The following HBD variants were observed in gnomAD, a reference collection of about 807,000 sequenced individuals.
HBD encodes delta globin.
In HBD, 11 loss-of-function variants were observed where a neutral mutation model predicts 9.2. The ratio of observed to expected loss-of-function variants is 1.20; its 90% CI spans 0.76 to 1.99. HBD has a LOEUF of 1.99. HBD is among the 30% of genes most tolerant of loss of function. HBD has a pLI of 0.00. For missense variants in HBD, 189 were observed against 174.3 expected (o/e 1.08, Z -0.47); for synonymous variants, 83 against 69.4 (o/e 1.20, Z -0.98).
At chr11:5,234,293 CCA>C (rs1370478409) in intron 1 of HBD, 47 bp downstream of exon 1, 1 of 1,598,336 alleles carries the variant, frequency 6.3e-7, no homozygotes, top group Admixed American at 1.7e-5. Context: ...CTACACATGC[CCA>C]GTTTCCATTT....
Position 5,234,230 on chromosome 11 carries a change from A to C in HBD, c.93-17T>G, listed in dbSNP as rs1847709989. On this transcript the variant is annotated splice_polypyrimidine_tract_variant and intron_variant, in intron 1 of 2. Coordinates refer to ENST00000650601, the MANE Select transcript of HBD (RefSeq NM_000519.4). Reference sequence around the variant, plus strand: ...ACCAGTAATCTGAGGGTAGGAAAACAGCCCAAGGGACAGAGAGTCAGTGCC... The same window carrying C: ...ACCAGTAATCTGAGGGTAGGAAAACCGCCCAAGGGACAGAGAGTCAGTGCC... 6.2e-7 allele frequency: 1 copy of C among 1,610,202 alleles called. No individual in the cohort carries two copies. The highest frequency in any genetic ancestry group is 1.3e-5 in the African/African-American group (1 of 74,832).
At chr11:5,233,929 A>G (rs1847701658) in intron 2 of HBD, 62 bp downstream of exon 2, 14 of 1,497,796 alleles carry the variant, frequency 9.3e-6, no homozygotes, top group Non-Finnish European at 1.3e-5. Flanking sequence ...CAGGTAGGTA[A>G]AAGAACCAAA....
rs1010664704 is a variant in HBD, at chr11:5,234,286, C to T, written c.92+56G>A. The T allele has an allele frequency of 1.9e-6, 3 of 1,596,672 alleles. No individual in the cohort carries two copies. The African/African-American group carries it at 4.0e-5, about 21-fold the overall frequency. On this transcript the variant is annotated intron_variant, in intron 1 of 2. Coordinates refer to ENST00000650601, the MANE Select transcript of HBD (RefSeq NM_000519.4). The stretch of plus-strand genomic sequence containing the variant: ...GAAACCCAAGAGTCTTCTCTGTCTA[C>T]ACATGCCCAGTTTCCATTTGCCTCC...
At position 5,234,098 on chromosome 11, in the gene HBD, C is replaced by G. The variant is rs35913713; in HGVS notation, c.208G>C (p.Gly70Arg). ...KVKAHGKKVL[G>R]AFSDGLAHLD... is the part of the protein sequence containing the mutation. The stretch of plus-strand genomic sequence containing the variant: ...TGAGCCAGGCCATCACTAAAGGCAC[C>G]TAGCACCTTCTTGCCATGAGCCTTC... The change falls in exon 2 of 3, where the codon GGT becomes CGT. Residue 70 changes from glycine to arginine, a missense_variant. Coordinates refer to ENST00000650601, the MANE Select transcript of HBD (RefSeq NM_000519.4). 1 of 1,614,058 alleles carries G rather than the reference C, an allele frequency of 6.2e-7. No individual in the cohort carries two copies. The highest frequency in any genetic ancestry group is 2.2e-5 in the East Asian group (1 of 44,872).
In HBD at chr11:5,234,324, T is replaced by C. The variant is rs1242453632; in HGVS notation, c.92+18A>G. 1.2e-6 allele frequency: 2 copies of C among 1,611,478 alleles called. No individual in the cohort carries two copies. Among genetic ancestry groups the C allele is most frequent in the Non-Finnish European group, 1.7e-6 (2 of 1,177,672 alleles). Reference sequence around the variant, plus strand: ...TCCATTTGCCTCCTTGAGCCTCTCTTATAACCTTGATACCAACCTGCCCAG... The same window carrying C: ...TCCATTTGCCTCCTTGAGCCTCTCTCATAACCTTGATACCAACCTGCCCAG... On this transcript the variant is annotated intron_variant, in intron 1 of 2. Coordinates refer to ENST00000650601, the MANE Select transcript of HBD (RefSeq NM_000519.4).
At position 5,234,017 on chromosome 11, in the gene HBD, G is replaced by A. The variant is rs371945255; in HGVS notation, c.289C>T (p.Leu97=). The change falls in exon 2 of 3, where the codon CTG becomes TTG. Residue 97 remains leucine (L), a synonymous_variant. Coordinates refer to ENST00000650601, the MANE Select transcript of HBD (RefSeq NM_000519.4). ...CTGAAGTTCTCAGGATCCACGTGCA[G>A]CTTGTCACAGTGCAGCTCACTCAGC... ...SQLSELHCDK[L]HVDPENFRLL... 1.2e-5 allele frequency: 20 copies of A among 1,613,956 alleles called. No individual in the cohort carries two copies. The highest frequency in any genetic ancestry group is 1.6e-5 in the Non-Finnish European group (19 of 1,179,992).
At chr11:5,233,726 A>G (rs911681711) in intron 2 of HBD, among the ~76,000 whole-genome samples, 2 of 152,116 alleles carry the variant, frequency 1.3e-5, no homozygotes, top group Non-Finnish European at 2.9e-5. Context: ...GCTGGTATGC[A>G]TAATTTGAGT....
In HBD at chr11:5,234,429, A is replaced by G. The variant is rs34991152; in HGVS notation, c.5T>C (p.Val2Ala). The part of the protein sequence containing the change: M[V>A]HLTPEEKTAV... ...AGTCTTCTCCTCAGGAGTCAGATGCACCATGGTGTCTGTTTGAGGTTGCTA... is the reference window on the plus strand; with the variant it reads ...AGTCTTCTCCTCAGGAGTCAGATGCGCCATGGTGTCTGTTTGAGGTTGCTA... The change falls in exon 1 of 3, where the codon GTG becomes GCG. Residue 2 changes from valine (V) to alanine (A), a missense_variant. Val to Ala is a moderately conservative substitution (Grantham distance 64, BLOSUM62 0). Transcript: ENST00000650601. 6.2e-7 allele frequency: 1 copy of G among 1,611,522 alleles called. No homozygotes were observed. Among genetic ancestry groups the G allele is most frequent in the Admixed American group, 1.7e-5 (1 of 60,006 alleles).
rs756391115 is a variant in HBD at position 5,234,260 on chromosome 11, A to G, written c.93-47T>C. ...AAGGGACAGAGAGTCAGTGCCTATC[A>G]GAAACCCAAGAGTCTTCTCTGTCTA... On this transcript the variant is annotated intron_variant, in intron 1 of 2. Coordinates refer to ENST00000650601, the MANE Select transcript of HBD (RefSeq NM_000519.4). The G allele has an allele frequency of 4.4e-6, 7 of 1,599,166 alleles. 1 individual carries two copies. In the South Asian group the frequency reaches 7.7e-5, roughly 18 times the overall value.
intron 1 of HBD, 21 bp downstream of exon 1, chr11:5,234,321 T>C: frequency 6.2e-7 from 1 of 1,610,530 alleles, no homozygotes; most frequent in Non-Finnish European, 8.5e-7. Context: ...CTTGAGCCTC[T>C]CTTATAACCT....
In HBD at chr11:5,234,392, G is replaced by C. The variant is rs746381682; in HGVS notation, c.42C>G (p.Ala14=). The part of the protein sequence containing the change: ...LTPEEKTAVN[A]LWGKVNVDAV... ...CATCCACGTTCACTTTGCCCCACAG[G>C]GCATTGACAGCAGTCTTCTCCTCAG... Residue 14 remains alanine, a synonymous_variant, in exon 1 of 3, where the codon GCC becomes GCG. Transcript: ENST00000650601. 1 of 1,613,978 alleles carries C rather than the reference G, an allele frequency of 6.2e-7. No individual in the cohort carries two copies. Among genetic ancestry groups the C allele is most frequent in the Non-Finnish European group, 8.5e-7 (1 of 1,179,908 alleles).
rs777472178 is a variant in HBD at position 5,233,016 on chromosome 11, T to C, written c.392A>G (p.Tyr131Cys). The change falls in exon 3 of 3, where the codon TAT becomes TGT. Residue 131 changes from tyrosine to cysteine, a missense_variant. Transcript: ENST00000650601. ...KEFTPQMQAA[Y>C]QKVVAGVANA... ...AGCCACACCAGCCACCACCTTCTGA[T>C]AGGCAGCCTGCATTTGTGGGGTGAA... 5 of 1,613,948 alleles carry C rather than the reference T, an allele frequency of 3.1e-6. No individual in the cohort carries two copies. The highest frequency in any genetic ancestry group is 1.7e-5 in the Admixed American group (1 of 59,982).
chr11:5,233,153 C>T (rs1409060626), intron 2 of HBD, 61 bp from the exon 3 acceptor site: 2 of 1,585,428 alleles, frequency 1.3e-6, no homozygotes, highest in South Asian at 1.1e-5. Flanking sequence ...AGACTGGCTT[C>T]TGAGAAACTG....
chr11:5,233,927 TA>T, intron 2 of HBD, 63 bp downstream of exon 2: 1 of 1,453,210 alleles, frequency 6.9e-7, no homozygotes, highest in Non-Finnish European at 9.7e-7. Context: ...AGCAGGTAGG[TA>T]AAAGAACCAA....
In HBD at chr11:5,234,030, C is replaced by CA. The variant is rs1564879022; in HGVS notation, c.275dup (p.His93AlafsTer3). 3 of 1,614,100 alleles carry CA rather than the reference C, an allele frequency of 1.9e-6. No homozygotes were observed. The highest frequency in any genetic ancestry group is 2.5e-6 in the Non-Finnish European group (3 of 1,180,014). ...GATCCACGTGCAGCTTGTCACAGTG[C>CA]AGCTCACTCAGCTGAGAAAAAGTGC... On this transcript the variant is annotated frameshift_variant, in exon 2 of 3. Transcript: ENST00000650601. LOFTEE classifies it high-confidence loss of function.
chr11:5,233,274 TACAC>T (rs988997117), intron 2 of HBD, among the ~76,000 whole-genome samples, 182 bp from the exon 3 acceptor site: 1 of 152,114 alleles, frequency 6.6e-6, no homozygotes, highest in Non-Finnish European at 1.5e-5. Flanking sequence ...CATATATCTA[TACAC>T]ACACATCCTC....
In HBD at chr11:5,234,124, A is replaced by C; in HGVS notation, c.182T>G (p.Val61Gly). The change falls in exon 2 of 3, where the codon GTG becomes GGG. Residue 61 changes from valine (V) to glycine (G), a missense_variant. By Grantham distance (109) the Val-to-Gly change is moderately radical (BLOSUM62 -3). Coordinates refer to ENST00000650601, the MANE Select transcript of HBD (RefSeq NM_000519.4). ...SPDAVMGNPK[V>G]KAHGKKVLGA... ...TAGCACCTTCTTGCCATGAGCCTTCACCTTAGGGTTGCCCATAACAGCATC... is the reference window on the plus strand; with the variant it reads ...TAGCACCTTCTTGCCATGAGCCTTCCCCTTAGGGTTGCCCATAACAGCATC... 6.2e-7 allele frequency: 1 copy of C among 1,614,010 alleles called. No individual in the cohort carries two copies.
In HBD at chr11:5,232,960, G is replaced by T. The variant is rs1303308789; in HGVS notation, c.*4C>A. The T allele has an allele frequency of 3.1e-6, 5 of 1,613,992 alleles. No individual in the cohort carries two copies. The highest frequency in any genetic ancestry group is 2.2e-5 in the East Asian group (1 of 44,882). ...TTATGGTTATCAGGAAACAGTCCAG[G>T]ATCTCAATGGTACTTGTGAGCCAGG... On this transcript the variant is annotated 3_prime_UTR_variant, in exon 3 of 3. Coordinates refer to ENST00000650601, the MANE Select transcript of HBD (RefSeq NM_000519.4).
At position 5,232,879 on chromosome 11, in the gene HBD, A is replaced by T; in HGVS notation, c.*85T>A. On this transcript the variant is annotated 3_prime_UTR_variant, in exon 3 of 3. Coordinates refer to ENST00000650601, the MANE Select transcript of HBD (RefSeq NM_000519.4). ...TTATTAGGCAGAAGCCATACCCTTG[A>T]AGTAGGCATTGTGTTCCCAAGTTCA... 6.2e-7 allele frequency: 1 copy of T among 1,612,772 alleles called. No individual in the cohort carries two copies. The highest frequency in any genetic ancestry group is 8.5e-7 in the Non-Finnish European group (1 of 1,178,770).
Sources: gnomAD v4.1 joint callset for allele counts (sites outside exome capture counted in the v4.1 genomes callset) on GRCh38, gnomAD v4.1.1 for gene constraint, MANE v1.5 for transcripts, NCBI Gene and HGNC (gene_info 2026-07-23, HGNC 2026-07-21) for gene names.